The following MYH13 variants were observed in gnomAD, a reference collection of about 807,000 sequenced individuals.
MYH13 encodes the protein myosin-13.
In MYH13, 177 loss-of-function variants were observed where a neutral mutation model predicts 232.1. The ratio of observed to expected loss-of-function variants is 0.76; its 90% confidence interval spans 0.67 to 0.86. The LOEUF (loss-of-function observed/expected upper bound fraction) is 0.86. MYH13 is among the 40% of genes least tolerant of loss of function. The pLI, the probability that MYH13 is intolerant of heterozygous loss-of-function variation, is 0.00. For missense variants in MYH13, 2,246 were observed against 2,405.9 expected (o/e 0.93, Z 1.39); for synonymous variants, 884 against 923.5 (o/e 0.96, Z 0.78).
chr17:10,324,139 T>C lies in MYH13; in HGVS notation c.2817A>G (p.Glu939=). Residue 939 remains glutamate (E), a synonymous_variant, in exon 23 of 41, where the codon GAA becomes GAG. Transcript: ENST00000252172. The part of the protein sequence containing the change: ...RLEEEEEMNS[E]LVAKKRNLED... ...CCAGATTCCTCTTCTTGGCAACCAA[T>C]TCAGAATTCATCTCCTCTTCCTCTT... The C allele has an allele frequency of 1.9e-6, 3 of 1,613,938 alleles. No individual in the cohort carries two copies. The highest frequency in any genetic ancestry group is 2.5e-6 in the Non-Finnish European group (3 of 1,179,886).
intron 18 of MYH13, among the ~76,000 whole-genome samples, chr17:10,337,793 G>A (rs187262544): frequency 1.3e-5 from 2 of 152,282 alleles, no homozygotes; most frequent in East Asian, 3.9e-4. Flanking sequence ...GGTGGCTCAC[G>A]CCTGTAATCC....
chr17:10,329,280 A>G (rs74432441), intron 21 of MYH13, among the ~76,000 whole-genome samples: 1,803 of 152,102 alleles, frequency 0.012, 14 homozygotes, highest in Middle Eastern at 0.071. Context: ...TCTCCCTCCA[A>G]TCCCTGCAGG....
At chr17:10,364,164 G>C (rs1265282732) in intron 3 of MYH13, among the ~76,000 whole-genome samples, 163 bp downstream of exon 3, 4 of 152,184 alleles carry the variant, frequency 2.6e-5, no homozygotes, top group Non-Finnish European at 5.9e-5. Flanking sequence ...GAGTGAAGGT[G>C]CATGTAATAG....
In MYH13 at chr17:10,324,277, G is replaced by A. The variant is rs1321783755; in HGVS notation, c.2692-13C>T. On this transcript the variant is annotated splice_polypyrimidine_tract_variant and intron_variant, in intron 22 of 40. Transcript: ENST00000252172. ...GATTTTCTGTTTCCTGAAAGAACCA[G>A]GTCATTTTATGTTTTGATTGGCCTC... 3 of 1,612,294 alleles carry A rather than the reference G, an allele frequency of 1.9e-6. No individual in the cohort carries two copies. Among genetic ancestry groups the A allele is most frequent in the Admixed American group, 1.7e-5 (1 of 59,716 alleles).
Position 10,362,569 on chromosome 17 carries a change from G to T in MYH13, c.205-66C>A, listed in dbSNP as rs143402057. The T allele has an allele frequency of 3.5e-4, 560 of 1,595,636 alleles. No homozygotes were observed. The African/African-American group carries it at 6.9e-3, about 20-fold the overall frequency. On this transcript the variant is annotated intron_variant, in intron 3 of 40. Transcript: ENST00000252172. Reference sequence around the variant, plus strand: ...CAAGTGCCCACATTGCACTTTACTGGTGTGGTGGAAGTAGTGAGATATTGT... The same window carrying T: ...CAAGTGCCCACATTGCACTTTACTGTTGTGGTGGAAGTAGTGAGATATTGT...
chr17:10,358,628 G>A (rs577088216), intron 7 of MYH13, among the ~76,000 whole-genome samples: 58 of 152,220 alleles, frequency 3.8e-4, no homozygotes, highest in African/African-American at 1.4e-3. Context: ...AGGCATGGTG[G>A]TTCCTGTAGT....
intron 22 of MYH13, among the ~76,000 whole-genome samples, chr17:10,327,398 A>G (rs937683294): frequency 6.6e-6 from 1 of 151,822 alleles, no homozygotes; most frequent in African/African-American, 2.4e-5. Flanking sequence ...CTCCCACCTC[A>G]GCCTCCCAAA....
chr17:10,357,546 C>T (rs1346104501), intron 8 of MYH13, among the ~76,000 whole-genome samples, 189 bp downstream of exon 8: 1 of 152,166 alleles, frequency 6.6e-6, no homozygotes, highest in East Asian at 1.9e-4. Context: ...AATCCTCCCT[C>T]TGCCAGGACC....
chr17:10,322,312 C>T (rs543640430), intron 23 of MYH13, among the ~76,000 whole-genome samples: 12 of 152,176 alleles, frequency 7.9e-5, no homozygotes, highest in Admixed American at 2.6e-4. Flanking sequence ...ACAGGAGAAT[C>T]GCTTGAAAAC....
chr17:10,306,901 T>A lies in MYH13; in HGVS notation c.5295+38A>T, dbSNP rs1567654849. On this transcript the variant is annotated intron_variant, in intron 36 of 40. Transcript: ENST00000252172. This position sits in a 1 kb window ranked among gnomAD's most constrained non-coding sequence, Gnocchi z 4.3. ...GGCTCAGAGGCCCCACTTTCTCAGT[T>A]CCAAACCCCATCTCTGAAAAGGAAG... 2 of 1,611,244 alleles carry A rather than the reference T, an allele frequency of 1.2e-6. No homozygotes were observed. The highest frequency in any genetic ancestry group is 1.7e-6 in the Non-Finnish European group (2 of 1,179,840).
chr17:10,329,578 A>G (rs1382178618), intron 21 of MYH13, among the ~76,000 whole-genome samples: 1 of 152,146 alleles, frequency 6.6e-6, no homozygotes, highest in East Asian at 1.9e-4. Flanking sequence ...AATGTGACAC[A>G]TAGGGACCTC....
chr17:10,341,674 A>G (rs1567667025), intron 16 of MYH13, among the ~76,000 whole-genome samples: 2 of 152,108 alleles, frequency 1.3e-5, no homozygotes, highest in South Asian at 2.1e-4. Flanking sequence ...TGGATTGGGG[A>G]AGTGAAGGCA....
At position 10,354,867 on chromosome 17, in the gene MYH13, A is replaced by G. The variant is rs760682287; in HGVS notation, c.901+28T>C. 3.1e-6 allele frequency: 5 copies of G among 1,591,086 alleles called. No individual in the cohort carries two copies. In the East Asian group the frequency reaches 6.7e-5, roughly 21 times the overall value. ...TTTTTCCCAACGTCACCGATTTGGA[A>G]CATAAGAAAGGTATTCCAAGAGCTT... is the stretch of plus-strand genomic sequence containing the variant. On this transcript the variant is annotated intron_variant, in intron 10 of 40. Transcript: ENST00000252172.
At chr17:10,338,359 T>G (rs566873848) in intron 18 of MYH13, among the ~76,000 whole-genome samples, 3 of 152,366 alleles carry the variant, frequency 2.0e-5, no homozygotes, top group Admixed American at 6.5e-5. Context: ...ATCACAATGA[T>G]GTAGTTGGTT....
intron 17 of MYH13, 38 bp from the exon 18 acceptor site, chr17:10,340,275 C>G: frequency 6.2e-7 from 1 of 1,613,218 alleles, no homozygotes; most frequent in East Asian, 2.2e-5. Context: ...TTAGCAACTG[C>G]CATTTCACTG....
At chr17:10,367,856 A>G (rs2071849059) in intron 2 of MYH13, among the ~76,000 whole-genome samples, 1 of 152,230 alleles carries the variant, frequency 6.6e-6, no homozygotes, top group African/African-American at 2.4e-5. Context: ...AGAAAAGGAA[A>G]GAGTATTTTA....
chr17:10,352,100 A>G (rs1170940457), intron 11 of MYH13, among the ~76,000 whole-genome samples: 2 of 152,200 alleles, frequency 1.3e-5, no homozygotes, highest in Non-Finnish European at 2.9e-5. Context: ...GTTGTAGGTT[A>G]AAAGAGAAAG....
chr17:10,316,750 C>G (rs1405501660), intron 27 of MYH13, among the ~76,000 whole-genome samples: 1 of 152,230 alleles, frequency 6.6e-6, no homozygotes. Flanking sequence ...AGATTCACCT[C>G]TCTGGCTTCC....
Position 10,309,724 on chromosome 17 carries a change from TC to T in MYH13, c.4762del (p.Glu1588SerfsTer3), listed in dbSNP as rs773847384. The T allele has an allele frequency of 4.4e-6, 7 of 1,603,830 alleles. No homozygotes were observed. In the Admixed American group the frequency reaches 1.0e-4, roughly 24 times the overall value. On this transcript the variant is annotated frameshift_variant, in exon 34 of 41. Coordinates refer to ENST00000252172, the MANE Select transcript of MYH13 (RefSeq NM_003802.3). LOFTEE classifies it high-confidence loss of function. ...RKVIEKDEEIEQLKRNSQRAA... is the reference protein window; with the variant it reads ...RKVIEKDEEIXQLKRNSQRAA... Reference sequence around the variant, plus strand: ...CCGCTGGCTGTTTCTTTTTAGCTGCTCGATTTCTTCATCCTTCTCAATGACC... The same window carrying T: ...CCGCTGGCTGTTTCTTTTTAGCTGCTGATTTCTTCATCCTTCTCAATGACC...
Sources: gnomAD v4.1 joint callset for allele counts (sites outside exome capture counted in the v4.1 genomes callset) on GRCh38, gnomAD v4.1.1 for gene constraint, Gnocchi (gnomAD v3.1) non-coding constraint, MANE v1.5 for transcripts, NCBI Gene and HGNC (gene_info 2026-07-23, HGNC 2026-07-21) for gene names.